The following RWDD4 variants were observed in gnomAD, a reference collection of about 807,000 sequenced individuals.
The protein encoded by RWDD4 is RWD domain-containing protein 4.
A neutral mutation model predicts 30.0 loss-of-function variants in RWDD4; 16 were observed. The ratio of observed to expected loss-of-function variants is 0.53; its 90% CI spans 0.36 to 0.81. The LOEUF (loss-of-function observed/expected upper bound fraction) is 0.81. Ranked by LOEUF, RWDD4 falls within the 30% of genes least tolerant of loss-of-function variation. The probability of loss-of-function intolerance (pLI) is 0.00; values close to 1 mark genes in which losing one functional copy is unlikely to be tolerated. For synonymous variants in RWDD4, 45 were observed against 72.1 expected, an observed-to-expected ratio of 0.62 and a Z score of 1.90; for missense variants, 170 against 223.9, an observed-to-expected ratio of 0.76 and a Z score of 1.54.
At chr4:183,656,881 C>T (rs1734205151) in intron 1 of RWDD4, among the ~76,000 whole-genome samples, 1 of 152,118 alleles carries the variant, frequency 6.6e-6, no homozygotes, top group East Asian at 1.9e-4. Flanking sequence ...CAAAAATTAG[C>T]CAGGTGTGGT....
intron 7 of RWDD4, among the ~76,000 whole-genome samples, chr4:183,643,190 G>A (rs560114969): frequency 6.8e-6 from 1 of 147,890 alleles, no homozygotes; most frequent in Admixed American, 6.7e-5. Context: ...ACTTTGGGAG[G>A]CTGAGGTGGG....
chr4:183,648,105 A>G (rs4513610), intron 5 of RWDD4, among the ~76,000 whole-genome samples: 39,525 of 151,948 alleles, frequency 0.26, 6,227 homozygotes, highest in African/African-American at 0.44. Flanking sequence ...TTAGCCAGGC[A>G]TAGTGACATG....
chr4:183,658,500 G>A (rs1010081324), intron 1 of RWDD4, among the ~76,000 whole-genome samples: 12 of 152,212 alleles, frequency 7.9e-5, no homozygotes, highest in African/African-American at 2.9e-4. Flanking sequence ...TGCACCACCA[G>A]TGTCATTTTC....
Position 183,649,434 on chromosome 4 carries a change from A to G in RWDD4, c.481+17T>C. The G allele has an allele frequency of 6.7e-7, 1 of 1,499,358 alleles. No individual in the cohort carries two copies. Among genetic ancestry groups the G allele is most frequent in the Non-Finnish European group, 9.2e-7 (1 of 1,086,372 alleles). 92.9% of individuals were successfully genotyped at this position (1,499,358 alleles called of 1,614,324 possible). On this transcript the variant is annotated intron_variant, in intron 5 of 7. Coordinates refer to ENST00000326397, the MANE Select transcript of RWDD4 (RefSeq NM_152682.4). The stretch of plus-strand genomic sequence containing the variant: ...TGTCAAAAAAAAGAAAAGAAAAGAA[A>G]AGAAACACACACAAACCTGTTTTGT...
intron 2 of RWDD4, among the ~76,000 whole-genome samples, chr4:183,651,699 A>G (rs547462099): frequency 2.6e-5 from 4 of 152,286 alleles, no homozygotes; most frequent in African/African-American, 9.6e-5. Context: ...TAATTCACAA[A>G]CTCGACACAC....
chr4:183,647,391 T>C (rs906978934), intron 5 of RWDD4, among the ~76,000 whole-genome samples: 3 of 152,224 alleles, frequency 2.0e-5, no homozygotes, highest in African/African-American at 7.2e-5. Context: ...TTTTAGATGC[T>C]ATCGGTTCTT....
Position 183,651,338 on chromosome 4 carries a change from G to C in RWDD4, c.106-11C>G. 1 of 1,587,950 alleles carries C rather than the reference G, an allele frequency of 6.3e-7. No homozygotes were observed. Among genetic ancestry groups the C allele is most frequent in the Non-Finnish European group, 8.6e-7 (1 of 1,160,380 alleles). ...ACCATTTTCACCTATCTGAAGAGAAGGGGAAATCTTAGGCTTGTAAAAGGT... is the reference window on the plus strand; with the variant it reads ...ACCATTTTCACCTATCTGAAGAGAACGGGAAATCTTAGGCTTGTAAAAGGT... On this transcript the variant is annotated splice_polypyrimidine_tract_variant and intron_variant, in intron 2 of 7. Coordinates refer to ENST00000326397, the MANE Select transcript of RWDD4 (RefSeq NM_152682.4).
Position 183,652,373 on chromosome 4 carries a change from T to TTTTCTA in RWDD4, c.106-1047_106-1046insTAGAAA, listed in dbSNP as rs1416055680. On this transcript the variant is annotated intron_variant, in intron 2 of 7. Transcript: ENST00000326397. ...CCCTCTCCCCTGGCTTTTTTTTTTT[T>TTTTCTA]TTTTTGAGACAGGGTCTCACTCCAT... Among the ~76,000 whole-genome samples the TTTTCTA allele has an allele frequency of 1.2e-4, 18 of 150,426 alleles. No individual in the cohort carries two copies. The East Asian group carries it at 3.5e-3, about 29-fold the overall frequency.
intron 2 of RWDD4, 103 bp from the exon 3 acceptor site, chr4:183,651,430 G>A (rs1351061036): frequency 1.2e-6 from 1 of 853,736 alleles, no homozygotes; most frequent in Non-Finnish European, 1.9e-6. Context: ...CTCATGCTCA[G>A]ATCAGAAATG....
chr4:183,652,156 C>T (rs1348111762), intron 2 of RWDD4, among the ~76,000 whole-genome samples: 11 of 152,156 alleles, frequency 7.2e-5, no homozygotes, highest in Admixed American at 6.5e-4. Flanking sequence ...ATCATTATTA[C>T]ACCCAAGAAA....
At chr4:183,650,197 A>T (rs960917593) in intron 4 of RWDD4, among the ~76,000 whole-genome samples, 1 of 152,208 alleles carries the variant, frequency 6.6e-6, no homozygotes, top group African/African-American at 2.4e-5. Flanking sequence ...CAGAAAGATT[A>T]AGAAACCTGC....
rs191278747 is a variant in RWDD4, at chr4:183,657,714, G to C, written c.24+1215C>G. Among the ~76,000 whole-genome samples the C allele has an allele frequency of 2.7e-3, 418 of 152,320 alleles. 1 individual carries two copies. Among genetic ancestry groups the C allele is most frequent in the African/African-American group, 9.6e-3 (401 of 41,562 alleles). On this transcript the variant is annotated intron_variant, in intron 1 of 7. Coordinates refer to ENST00000326397, the MANE Select transcript of RWDD4 (RefSeq NM_152682.4). ...TCCACAAACACGTGATTCCAGGATA[G>C]TGAAGAGATTAACAAAGAATGGATA...
At position 183,651,206 on chromosome 4, in the gene RWDD4, G is replaced by C. The variant is rs1046784040; in HGVS notation, c.215+12C>G. ...GTGAAATGAAAAGCAGTAAAAACAA[G>C]ACACTACTCACATGGTGTTGTTAAA... On this transcript the variant is annotated intron_variant, in intron 3 of 7. Transcript: ENST00000326397. The C allele has an allele frequency of 6.2e-7, 1 of 1,613,190 alleles. No individual in the cohort carries two copies. Among genetic ancestry groups the C allele is most frequent in the Non-Finnish European group, 8.5e-7 (1 of 1,179,426 alleles).
intron 2 of RWDD4, among the ~76,000 whole-genome samples, chr4:183,654,972 G>C (rs1443336339): frequency 6.7e-6 from 1 of 148,910 alleles, no homozygotes; most frequent in Non-Finnish European, 1.5e-5. Flanking sequence ...TTTGAGTCCC[G>C]CTCTGTCGCC....
chr4:183,658,833 C>CTGTCCGGGCAG, intron 1 of RWDD4, 96 bp downstream of exon 1: 1 of 1,097,146 alleles, frequency 9.1e-7, no homozygotes, highest in South Asian at 4.6e-5. Context: ...GCACAGGGCA[C>CTGTCCGGGCAG]GTGCCGGGCA....
chr4:183,641,274 T>C lies in RWDD4; in HGVS notation c.*162A>G. The C allele has an allele frequency of 1.5e-6, 1 of 650,840 alleles. No individual in the cohort carries two copies. The highest frequency in any genetic ancestry group is 2.8e-6 in the Non-Finnish European group (1 of 362,156). The allele number at this position is 650,840 out of a possible 1,614,324, so 40.3% of individuals were successfully genotyped here. A position where few individuals can be genotyped will look rare whatever the true frequency, so the allele number is the denominator to read the frequency against. ...GTGAAAATAATTTAATACAACAAGA[T>C]CTCTTCATGAACTTTCAACTTACAA... On this transcript the variant is annotated 3_prime_UTR_variant, in exon 8 of 8. Coordinates refer to ENST00000326397, the MANE Select transcript of RWDD4 (RefSeq NM_152682.4).
At position 183,646,208 on chromosome 4, in the gene RWDD4, T is replaced by A. The variant is rs529029214; in HGVS notation, c.534+143A>T. The A allele has an allele frequency of 2.1e-5, 13 of 622,080 alleles. No homozygotes were observed. The East Asian group carries it at 3.2e-4, about 15-fold the overall frequency. The allele number at this position is 622,080 out of a possible 1,614,324, so 38.5% of individuals were successfully genotyped here. A position where few individuals can be genotyped will look rare whatever the true frequency, so the allele number is the denominator to read the frequency against. On this transcript the variant is annotated intron_variant, in intron 7 of 7. Transcript: ENST00000326397. ...TGTGAGCCACTGTCCCCTAAGTATC[T>A]GCATTCTTAAGATGTGCTTACATAG...
At chr4:183,648,497 T>C (rs1468836975) in intron 5 of RWDD4, among the ~76,000 whole-genome samples, 1 of 152,200 alleles carries the variant, frequency 6.6e-6, no homozygotes, top group Non-Finnish European at 1.5e-5. Flanking sequence ...GAGTTTATTA[T>C]CTTCTTCTAA....
At chr4:183,654,719 T>G (rs188076107) in intron 2 of RWDD4, among the ~76,000 whole-genome samples, 1 of 152,340 alleles carries the variant, frequency 6.6e-6, no homozygotes, top group East Asian at 1.9e-4. Flanking sequence ...GCTCCACTGT[T>G]AACTTTGGAC....
Sources: gnomAD v4.1 joint callset for allele counts (sites outside exome capture counted in the v4.1 genomes callset) on GRCh38, gnomAD v4.1.1 for gene constraint, MANE v1.5 for transcripts, NCBI Gene and HGNC (gene_info 2026-07-23, HGNC 2026-07-21) for gene names.